TMOD3: variants seen among roughly 807,000 people sequenced by gnomAD.
TMOD3 encodes tropomodulin-3.
Under a neutral mutation model 39.2 loss-of-function variants are expected in TMOD3, and 20 were observed. The ratio of observed to expected loss-of-function variants is 0.51; its 90% CI spans 0.36 to 0.74. The LOEUF (loss-of-function observed/expected upper bound fraction) is 0.74. TMOD3 is among the 30% of genes least tolerant of loss of function. The pLI is 0.00. For missense variants in TMOD3, 381 were observed against 412.8 expected (o/e 0.92, Z 0.67); for synonymous variants, 143 against 145.8 (o/e 0.98, Z 0.14).
chr15:51,876,211 C>G (rs2056502419), intron 3 of TMOD3, among the ~76,000 whole-genome samples: 1 of 152,008 alleles, frequency 6.6e-6, no homozygotes, highest in Non-Finnish European at 1.5e-5. Context: ...CTCTGTTGTC[C>G]AGACTGGAGA....
In TMOD3 at chr15:51,851,310, A is replaced by G. The variant is rs1033452882; in HGVS notation, c.-74-11501A>G. 5.1e-4 allele frequency among the ~76,000 whole-genome samples: 77 copies of G among 152,216 alleles called. 2 individuals carry two copies. Among genetic ancestry groups the G allele is most frequent in the Admixed American group, 5.0e-3 (76 of 15,280 alleles). Reference sequence around the variant, plus strand: ...GTAAGCATTGAAAATCTTGTAAAGAAAATAAGAAACAGCAATTGTGTAAAA... The same window carrying G: ...GTAAGCATTGAAAATCTTGTAAAGAGAATAAGAAACAGCAATTGTGTAAAA... On this transcript the variant is annotated intron_variant, in intron 1 of 9. Transcript: ENST00000308580.
At chr15:51,858,528 C>T (rs1308583172) in intron 1 of TMOD3, among the ~76,000 whole-genome samples, 2 of 151,752 alleles carry the variant, frequency 1.3e-5, no homozygotes, top group Non-Finnish European at 2.9e-5. Context: ...AAGTTGCCTG[C>T]AATGTAGTAT....
At chr15:51,862,351 C>G (rs1321053414) in intron 1 of TMOD3, among the ~76,000 whole-genome samples, 1 of 152,164 alleles carries the variant, frequency 6.6e-6, no homozygotes, top group African/African-American at 2.4e-5. Flanking sequence ...CAAGAGACCA[C>G]TCCTGTCATG....
intron 2 of TMOD3, among the ~76,000 whole-genome samples, chr15:51,867,918 C>A (rs767459870): frequency 1.3e-5 from 2 of 152,198 alleles, no homozygotes; most frequent in Non-Finnish European, 2.9e-5. Context: ...CACTGCACCT[C>A]CCTCATCTCT....
intron 1 of TMOD3, among the ~76,000 whole-genome samples, chr15:51,854,473 A>G (rs887224943): frequency 6.6e-6 from 1 of 152,226 alleles, no homozygotes; most frequent in African/African-American, 2.4e-5. Context: ...AGCCCACCCT[A>G]TGGAAATGGT....
chr15:51,860,013 C>T, intron 1 of TMOD3: 2 of 540,350 alleles, frequency 3.7e-6, no homozygotes, highest in Non-Finnish European at 3.7e-6. Context: ...CACATGGCCT[C>T]CCTTGGCAGA....
chr15:51,869,564 C>G (rs2056464723), intron 3 of TMOD3, among the ~76,000 whole-genome samples, 191 bp downstream of exon 3: 1 of 152,146 alleles, frequency 6.6e-6, no homozygotes, highest in Non-Finnish European at 1.5e-5. Context: ...TAAGTTTCTT[C>G]TTAATGATGT....
intron 1 of TMOD3, among the ~76,000 whole-genome samples, chr15:51,849,404 A>C (rs1175616782): frequency 6.6e-6 from 1 of 152,170 alleles, no homozygotes; most frequent in African/African-American, 2.4e-5. Context: ...CAGATTGGAG[A>C]TATCAATTTA....
At chr15:51,876,340 T>C (rs2056503105) in intron 3 of TMOD3, among the ~76,000 whole-genome samples, 1 of 152,146 alleles carries the variant, frequency 6.6e-6, no homozygotes, top group Non-Finnish European at 1.5e-5. Context: ...GGCTAATTTT[T>C]AAAATTCTTT....
intron 9 of TMOD3, among the ~76,000 whole-genome samples, chr15:51,908,559 GC>G (rs933930310): frequency 4.0e-5 from 6 of 151,728 alleles, no homozygotes; most frequent in Non-Finnish European, 8.8e-5. Flanking sequence ...TTTTGTTGAA[GC>G]CCCTTGGTTC....
chr15:51,841,119 G>T (rs79702191), intron 1 of TMOD3, among the ~76,000 whole-genome samples: 5,397 of 152,252 alleles, frequency 0.035, 129 homozygotes, highest in Non-Finnish European at 0.05. Context: ...ATTGGAGATA[G>T]AACTATTTTG....
At chr15:51,859,057 T>C in intron 1 of TMOD3, 1 of 429,878 alleles carries the variant, frequency 2.3e-6, no homozygotes, top group Non-Finnish European at 4.2e-6. Context: ...AAAATTAAAG[T>C]GTGTCTTGAA....
chr15:51,879,976 C>A (rs1467338978), intron 3 of TMOD3, among the ~76,000 whole-genome samples: 2 of 151,678 alleles, frequency 1.3e-5, no homozygotes, highest in Non-Finnish European at 2.9e-5. Context: ...AGAGCACAAA[C>A]CAAACTAACC....
At chr15:51,862,003 T>C (rs74773812) in intron 1 of TMOD3, among the ~76,000 whole-genome samples, 3,442 of 152,282 alleles carry the variant, frequency 0.023, 51 homozygotes, top group Non-Finnish European at 0.038. Flanking sequence ...TATGCAGAAA[T>C]CCTTGGTTTC....
At chr15:51,903,125 G>A (rs554866962) in intron 9 of TMOD3, among the ~76,000 whole-genome samples, 54 of 152,260 alleles carry the variant, frequency 3.5e-4, no homozygotes, top group Admixed American at 6.5e-4. Context: ...GTGTTTGCTC[G>A]TCTTCCTAAA....
intron 1 of TMOD3, among the ~76,000 whole-genome samples, chr15:51,844,895 T>A (rs2570242): frequency 0.049 from 7,429 of 152,274 alleles, 417 homozygotes; most frequent in African/African-American, 0.12. Flanking sequence ...CTCTACTACT[T>A]AACAACATTG....
intron 1 of TMOD3, among the ~76,000 whole-genome samples, chr15:51,839,639 T>C (rs2056303828): frequency 6.6e-6 from 1 of 152,094 alleles, no homozygotes; most frequent in Admixed American, 6.6e-5. Flanking sequence ...CTTGAACTCC[T>C]GAGCTCAAAC....
intron 5 of TMOD3, among the ~76,000 whole-genome samples, chr15:51,893,165 C>T (rs940675480): frequency 6.6e-6 from 1 of 151,558 alleles, no homozygotes; most frequent in Non-Finnish European, 1.5e-5. Flanking sequence ...CATGGTGACA[C>T]ACGCCTGTAT....
intron 3 of TMOD3, among the ~76,000 whole-genome samples, chr15:51,884,996 G>A (rs2056552522): frequency 6.6e-6 from 1 of 152,116 alleles, no homozygotes; most frequent in Non-Finnish European, 1.5e-5. Flanking sequence ...AGTCAGACCT[G>A]CTGCATCAGC....
Sources: gnomAD v4.1 joint callset for allele counts (sites outside exome capture counted in the v4.1 genomes callset) on GRCh38, gnomAD v4.1.1 for gene constraint, MANE v1.5 for transcripts, NCBI Gene and HGNC (gene_info 2026-07-23, HGNC 2026-07-21) for gene names.